PCCA: variants seen among roughly 807,000 people sequenced by gnomAD.
PCCA encodes the protein propionyl-CoA carboxylase subunit alpha, also known as propionyl-CoA carboxylase alpha chain, mitochondrial.
Under a neutral mutation model 101.3 loss-of-function variants are expected in PCCA, and 74 were observed. The ratio of observed to expected loss-of-function variants is 0.73; its 90% CI spans 0.61 to 0.89. PCCA has a LOEUF of 0.89. Ranked by LOEUF, PCCA falls within the 40% of genes least tolerant of loss-of-function variation. The probability of loss-of-function intolerance (pLI) is 0.00; values close to 1 mark genes in which losing one functional copy is unlikely to be tolerated. For missense variants in PCCA, 891 were observed against 907.0 expected, an observed-to-expected ratio of 0.98 and a Z score of 0.23; for synonymous variants, 294 against 313.6, an observed-to-expected ratio of 0.94 and a Z score of 0.66.
intron 21 of PCCA, among the ~76,000 whole-genome samples, chr13:100,484,550 T>C (rs902621765): frequency 2.0e-5 from 3 of 152,214 alleles, no homozygotes; most frequent in Admixed American, 1.3e-4. Context: ...AAAGCTGGAC[T>C]GAAGTTACAG....
intron 12 of PCCA, among the ~76,000 whole-genome samples, chr13:100,283,091 G>A (rs946226707): frequency 6.6e-6 from 1 of 152,072 alleles, no homozygotes; most frequent in Non-Finnish European, 1.5e-5. Flanking sequence ...AGATGATCCT[G>A]ATAGGTACAT....
chr13:100,219,347 T>G (rs958832528), intron 7 of PCCA, among the ~76,000 whole-genome samples: 4 of 152,162 alleles, frequency 2.6e-5, no homozygotes, highest in African/African-American at 9.7e-5. Flanking sequence ...ACTGTCCAAA[T>G]TATTTCTGGC....
At chr13:100,474,625 A>G (rs1444455792) in intron 21 of PCCA, among the ~76,000 whole-genome samples, 1 of 152,086 alleles carries the variant, frequency 6.6e-6, no homozygotes, top group Non-Finnish European at 1.5e-5. Flanking sequence ...AGCTGGGACT[A>G]CAGGAATGCG....
chr13:100,314,195 C>T (rs2067151910), intron 16 of PCCA, among the ~76,000 whole-genome samples: 1 of 152,108 alleles, frequency 6.6e-6, no homozygotes, highest in Non-Finnish European at 1.5e-5. Flanking sequence ...CGCAGAAACT[C>T]TTTGCTTACT....
At chr13:100,258,945 T>C (rs979957220) in intron 9 of PCCA, among the ~76,000 whole-genome samples, 1 of 152,180 alleles carries the variant, frequency 6.6e-6, no homozygotes, top group African/African-American at 2.4e-5. Context: ...GATTTAATAA[T>C]ACAAGCTCCT....
At chr13:100,170,609 C>T (rs2055536303) in intron 6 of PCCA, among the ~76,000 whole-genome samples, 1 of 152,140 alleles carries the variant, frequency 6.6e-6, no homozygotes, top group Admixed American at 6.5e-5. Flanking sequence ...CTGTCTGTAC[C>T]ACTACGTGTG....
At chr13:100,331,890 A>AC (rs1489052153) in intron 17 of PCCA, among the ~76,000 whole-genome samples, 1 of 151,258 alleles carries the variant, frequency 6.6e-6, no homozygotes, top group Non-Finnish European at 1.5e-5. Flanking sequence ...TAATGAAAAA[A>AC]AAAAAATCTT....
intron 4 of PCCA, among the ~76,000 whole-genome samples, chr13:100,147,763 C>G (rs967559509): frequency 6.6e-6 from 1 of 152,048 alleles, no homozygotes; most frequent in Non-Finnish European, 1.5e-5. Context: ...CATAGTTTTT[C>G]TTAGGTAGTA....
intron 7 of PCCA, among the ~76,000 whole-genome samples, chr13:100,212,915 C>T (rs186064695): frequency 6.6e-6 from 1 of 151,702 alleles, no homozygotes; most frequent in Non-Finnish European, 1.5e-5. Flanking sequence ...TGGCAATCAT[C>T]ATTCTACTCT....
intron 4 of PCCA, among the ~76,000 whole-genome samples, chr13:100,137,345 A>T (rs572710439): frequency 3.9e-5 from 6 of 152,318 alleles, no homozygotes; most frequent in African/African-American, 1.2e-4. Flanking sequence ...TCAGTACTGT[A>T]TAAATGTCAG....
intron 6 of PCCA, chr13:100,198,302 A>G (rs745330059): frequency 6.6e-6 from 1 of 152,226 alleles, no homozygotes; most frequent in Non-Finnish European, 1.5e-5. Flanking sequence ...ACTCATGGCA[A>G]TGGGAACATT....
intron 21 of PCCA, among the ~76,000 whole-genome samples, chr13:100,450,055 T>C (rs1032464849): frequency 3.3e-5 from 5 of 152,214 alleles, no homozygotes; most frequent in African/African-American, 1.2e-4. Flanking sequence ...TAATTAGTAT[T>C]AGTTACTATA....
At chr13:100,274,939 G>C (rs1475252948) in intron 12 of PCCA, among the ~76,000 whole-genome samples, 1 of 151,958 alleles carries the variant, frequency 6.6e-6, no homozygotes, top group Non-Finnish European at 1.5e-5. Flanking sequence ...GTGGGTGAGT[G>C]GGGGGATTAT....
In PCCA at chr13:100,368,550, A is replaced by T; in HGVS notation, c.1722A>T (p.Ala574=). The T allele has an allele frequency of 6.2e-7, 1 of 1,606,230 alleles. No individual in the cohort carries two copies. The highest frequency in any genetic ancestry group is 1.7e-5 in the Admixed American group (1 of 59,954). ...ATGATAAAGTTCATACCGTAGTAGC[A>T]TCAAACAATGGGTCAGTGTTCTCGG... ...KLHDKVHTVV[A]SNNGSVFSVE... Residue 574 remains alanine (A), a synonymous_variant, in exon 19 of 24, where the codon GCA becomes GCT. Coordinates refer to ENST00000376285, the MANE Select transcript of PCCA (RefSeq NM_000282.4).
intron 19 of PCCA, among the ~76,000 whole-genome samples, chr13:100,422,877 A>G (rs1453788857): frequency 7.0e-6 from 1 of 141,972 alleles, no homozygotes; most frequent in Non-Finnish European, 1.6e-5. Context: ...TTTTATTTTT[A>G]TTTTTTTAAG....
intron 14 of PCCA, 83 bp from the exon 15 acceptor site, chr13:100,307,109 T>G: frequency 2.3e-6 from 2 of 874,098 alleles, no homozygotes; most frequent in South Asian, 2.9e-5. Context: ...CTATCCATTT[T>G]CTCCATGGAA....
chr13:100,287,980 A>C (rs977937513), intron 12 of PCCA, among the ~76,000 whole-genome samples: 13 of 152,152 alleles, frequency 8.5e-5, no homozygotes, highest in African/African-American at 3.1e-4. Flanking sequence ...TCTGTGGTAG[A>C]CCTTCAGAAT....
At chr13:100,509,283 C>G (rs1200272368) in intron 21 of PCCA, among the ~76,000 whole-genome samples, 2 of 152,208 alleles carry the variant, frequency 1.3e-5, no homozygotes. Flanking sequence ...TGTAACAGTG[C>G]TAATTACTAA....
At chr13:100,280,844 G>A (rs1464958381) in intron 12 of PCCA, among the ~76,000 whole-genome samples, 2 of 152,104 alleles carry the variant, frequency 1.3e-5, no homozygotes, top group African/African-American at 2.4e-5. Context: ...TGCCTGGTAC[G>A]TGGATCCTCT....
Sources: gnomAD v4.1 joint callset for allele counts (sites outside exome capture counted in the v4.1 genomes callset) on GRCh38, gnomAD v4.1.1 for gene constraint, MANE v1.5 for transcripts, NCBI Gene and HGNC (gene_info 2026-07-23, HGNC 2026-07-21) for gene names.